The following TRIQK variants were observed in gnomAD, a reference collection of about 807,000 sequenced individuals.
TRIQK encodes the protein triple QxxK/R motif-containing protein.
In TRIQK, 10 loss-of-function variants were observed where a neutral mutation model predicts 10.8. The observed-to-expected ratio is 0.92, with a 90% CI of 0.57 to 1.57. TRIQK has a LOEUF of 1.57. Ranked by LOEUF, TRIQK falls within the 40% of genes most tolerant of loss-of-function variation. The pLI is 0.00. For missense variants in TRIQK, 107 were observed against 97.7 expected (o/e 1.09, Z -0.40); for synonymous variants, 33 against 33.7 (o/e 0.98, Z 0.07).
At chr8:92,910,083 C>T (rs937487696) in intron 3 of TRIQK, among the ~76,000 whole-genome samples, 1 of 151,368 alleles carries the variant, frequency 6.6e-6, no homozygotes, top group Admixed American at 6.6e-5. Context: ...AGAATTAGGA[C>T]AGTTGCTTTA....
At chr8:92,964,458 A>C (rs1251214053) in intron 1 of TRIQK, among the ~76,000 whole-genome samples, 12 of 120,610 alleles carry the variant, frequency 9.9e-5, no homozygotes, top group African/African-American at 2.8e-4. Flanking sequence ...AGGTATATAT[A>C]TATATCTATA....
chr8:92,969,169 T>A (rs951733728), upstream of TRIQK, among the ~76,000 whole-genome samples: 14 of 152,178 alleles, frequency 9.2e-5, no homozygotes, highest in African/African-American at 2.9e-4. Context: ...TATATCTGTT[T>A]TGGTACCAGT....
Position 92,885,236 on chromosome 8 carries a change from C to T in TRIQK, c.*1386G>A, listed in dbSNP as rs1402917267. The T allele has an allele frequency of 1.3e-5, 4 of 316,368 alleles. No individual in the cohort carries two copies. The highest frequency in any genetic ancestry group is 1.5e-4 in the East Asian group (2 of 12,940). The allele number at this position is 316,368 out of a possible 1,614,324, so 19.6% of individuals were successfully genotyped here. On this transcript the variant is annotated 3_prime_UTR_variant, in exon 5 of 5. Coordinates refer to ENST00000521988, the MANE Select transcript of TRIQK (RefSeq NM_001171797.2). ...GAACATAATGCTACACAGTCACAGT[C>T]GACTTTTTGCAAAAGTACCAGAGAA... is the stretch of plus-strand genomic sequence containing the variant.
At chr8:92,985,238 G>A (rs951923348) in intron 1 of TRIQK, among the ~76,000 whole-genome samples, 2 of 152,278 alleles carry the variant, frequency 1.3e-5, no homozygotes, top group Non-Finnish European at 1.5e-5. Flanking sequence ...GTGTGTGTGT[G>A]TGCACGCGCA....
At chr8:92,913,361 T>A (rs566868088) in intron 3 of TRIQK, among the ~76,000 whole-genome samples, 87 of 152,102 alleles carry the variant, frequency 5.7e-4, no homozygotes, top group African/African-American at 1.6e-3. Context: ...AACAAACATA[T>A]GAAAAAAAGC....
intron 3 of TRIQK, among the ~76,000 whole-genome samples, chr8:92,899,666 G>T (rs977123631): frequency 6.6e-6 from 1 of 152,170 alleles, no homozygotes; most frequent in Admixed American, 6.6e-5. Context: ...GGACACTTAG[G>T]TTGCTTCTGA....
intron 2 of TRIQK, among the ~76,000 whole-genome samples, chr8:92,940,045 G>C (rs1421013351): frequency 6.6e-6 from 1 of 152,124 alleles, no homozygotes. Flanking sequence ...CCAGTCAGTG[G>C]TCTCACCAGT....
chr8:92,942,425 C>A (rs1811314472), intron 2 of TRIQK, among the ~76,000 whole-genome samples: 1 of 152,022 alleles, frequency 6.6e-6, no homozygotes, highest in Non-Finnish European at 1.5e-5. Flanking sequence ...TGTGACAAAC[C>A]CACAGCTAAT....
At chr8:93,001,057 C>T (rs1378627797) in intron 1 of TRIQK, among the ~76,000 whole-genome samples, 1 of 152,188 alleles carries the variant, frequency 6.6e-6, no homozygotes, top group East Asian at 1.9e-4. Context: ...CCTGTAATCC[C>T]AGCACTTTGG....
At chr8:92,911,066 A>T (rs2130418370) in intron 3 of TRIQK, among the ~76,000 whole-genome samples, 1 of 151,566 alleles carries the variant, frequency 6.6e-6, no homozygotes, top group Non-Finnish European at 1.5e-5. Flanking sequence ...TAATATCAAA[A>T]ACTGATATCA....
At chr8:92,946,585 T>C (rs1313640337) in intron 2 of TRIQK, among the ~76,000 whole-genome samples, 1 of 152,134 alleles carries the variant, frequency 6.6e-6, no homozygotes, top group Non-Finnish European at 1.5e-5. Flanking sequence ...TGAGATTTTT[T>C]TGAAAGCAAA....
chr8:92,903,091 T>G (rs1487293861), intron 3 of TRIQK, among the ~76,000 whole-genome samples: 1 of 151,910 alleles, frequency 6.6e-6, no homozygotes, highest in Non-Finnish European at 1.5e-5. Context: ...CTTTCCAGAC[T>G]AACTCAAATC....
chr8:92,988,704 C>T (rs757406330), intron 1 of TRIQK, among the ~76,000 whole-genome samples: 4 of 152,034 alleles, frequency 2.6e-5, no homozygotes, highest in South Asian at 4.1e-4. Context: ...TTGTTTGGCC[C>T]GCATATCAGT....
chr8:92,995,905 C>T lies in TRIQK; in HGVS notation c.-181+21704G>A, dbSNP rs550274919. Among the ~76,000 whole-genome samples, 11 of 152,070 alleles carry T rather than the reference C, an allele frequency of 7.2e-5. No individual in the cohort carries two copies. In the South Asian group the frequency reaches 2.1e-3, roughly 29 times the overall value. On this transcript the variant is annotated intron_variant, in intron 1 of 4. Transcript: ENST00000520686. ...CAACTTTAGTAGCTATGTCAGGTTTCCCGGGATAGTCATGTGACGGGAATT... is the reference window on the plus strand; with the variant it reads ...CAACTTTAGTAGCTATGTCAGGTTTTCCGGGATAGTCATGTGACGGGAATT...
At chr8:93,011,457 G>A (rs1476967767) in intron 1 of TRIQK, among the ~76,000 whole-genome samples, 2 of 152,022 alleles carry the variant, frequency 1.3e-5, no homozygotes, top group Non-Finnish European at 2.9e-5. Flanking sequence ...AAAATTGGTG[G>A]TGGTTATAGG....
chr8:92,981,834 A>G (rs1812989713), intron 1 of TRIQK, among the ~76,000 whole-genome samples: 1 of 151,864 alleles, frequency 6.6e-6, no homozygotes, highest in Non-Finnish European at 1.5e-5. Context: ...CCATACTAAA[A>G]AGAGATATCT....
At chr8:92,959,522 C>A (rs1055753831) in intron 1 of TRIQK, among the ~76,000 whole-genome samples, 26 of 136,910 alleles carry the variant, frequency 1.9e-4, no homozygotes, top group East Asian at 4.4e-4. Context: ...CACACACACA[C>A]AAAATGGCTT....
chr8:92,929,574 C>T (rs1810606671), intron 2 of TRIQK: 2 of 152,080 alleles, frequency 1.3e-5, no homozygotes, highest in African/African-American at 2.4e-5. Context: ...ATTTATACTG[C>T]CTGGAATAGA....
intron 1 of TRIQK, chr8:92,965,082 G>T (rs1346766601): frequency 6.6e-6 from 1 of 152,148 alleles, no homozygotes; most frequent in Non-Finnish European, 1.5e-5. Flanking sequence ...GTTATCTGAG[G>T]TTACCATCTC....
Sources: allele counts gnomAD v4.1 joint callset (sites outside exome capture counted in the v4.1 genomes callset), GRCh38; gene constraint gnomAD v4.1.1; transcripts MANE v1.5; gene names NCBI Gene and HGNC (gene_info 2026-07-23, HGNC 2026-07-21).